NRXN3: variants seen among roughly 807,000 people sequenced by gnomAD.
NRXN3 encodes the protein neurexin 3.
NRXN3 carries 32 observed loss-of-function variants against 137.6 expected under a neutral mutation model. The ratio of observed to expected loss-of-function variants is 0.23; its 90% CI spans 0.18 to 0.31. NRXN3 has a LOEUF of 0.31. Ranked by LOEUF, NRXN3 falls within the 10% of genes least tolerant of loss-of-function variation. The pLI is 1.00. For synonymous variants in NRXN3, 798 were observed against 784.5 expected (o/e 1.02, Z -0.29); for missense variants, 1,574 against 2,062.5 (o/e 0.76, Z 4.59).
chr14:78,283,628 C>T (rs1415923528), intron 3 of NRXN3, among the ~76,000 whole-genome samples: 3 of 152,100 alleles, frequency 2.0e-5, no homozygotes, highest in Admixed American at 2.0e-4. Flanking sequence ...TCTGCCTCAG[C>T]CTCTCGAGTA....
At chr14:79,835,160 C>T (rs911720910) in intron 20 of NRXN3, among the ~76,000 whole-genome samples, 1 of 152,076 alleles carries the variant, frequency 6.6e-6, no homozygotes, top group African/African-American at 2.4e-5. Flanking sequence ...TTGAAAATCA[C>T]TAAGGGAGTA....
rs1882822 is a variant in NRXN3, at chr14:78,243,847, G to C, written c.709+45G>C. 1 of 1,441,572 alleles carries C rather than the reference G, an allele frequency of 6.9e-7. No individual in the cohort carries two copies. The highest frequency in any genetic ancestry group is 9.3e-7 in the Non-Finnish European group (1 of 1,071,556). The allele number at this position is 1,441,572 out of a possible 1,614,324, so 89.3% of individuals were successfully genotyped here. A position where few individuals can be genotyped will look rare whatever the true frequency, so the allele number is the denominator to read the frequency against. On this transcript the variant is annotated intron_variant, in intron 2 of 20. Coordinates refer to ENST00000335750, the MANE Select transcript of NRXN3 (RefSeq NM_001330195.2). The surrounding 1 kb of genome is among the most constrained non-coding windows in gnomAD (Gnocchi z 4.2). ...TTGCTAGAGACCCACCCACGGGATG[G>C]CTGAGGCTGGGGCTCCTGATACAAA...
At chr14:79,257,412 G>A (rs1597924475) in intron 15 of NRXN3, among the ~76,000 whole-genome samples, 4 of 50,800 alleles carry the variant, frequency 7.9e-5, no homozygotes, top group Non-Finnish European at 1.2e-4. Context: ...GGTGGTGGTG[G>A]TGATGGTGGT....
intron 16 of NRXN3, among the ~76,000 whole-genome samples, chr14:79,620,147 C>T (rs1041101982): frequency 1.3e-5 from 2 of 151,930 alleles, no homozygotes; most frequent in Middle Eastern, 3.4e-3. Flanking sequence ...ATATGGGGCA[C>T]GATTGAATAA....
intron 16 of NRXN3, among the ~76,000 whole-genome samples, chr14:79,536,988 C>T (rs2097217457): frequency 6.6e-6 from 1 of 152,040 alleles, no homozygotes; most frequent in Admixed American, 6.6e-5. Flanking sequence ...AATAGGATTG[C>T]TGGGTCTAAT....
rs778656428 is a variant in NRXN3 at position 78,803,742 on chromosome 14, G to A, written c.2167G>A (p.Val723Met). ...FMSQRAYGLL[V>M]ATTSRDSADT... Reference sequence around the variant, plus strand: ...GTCCCAGCGAGCTTATGGGCTGCTGGTGGCTACGACCTCCAGGGACTCTGC... The same window carrying A: ...GTCCCAGCGAGCTTATGGGCTGCTGATGGCTACGACCTCCAGGGACTCTGC... The change falls in exon 9 of 21, where the codon GTG becomes ATG. Residue 723 changes from valine (V) to methionine (M), a missense_variant. By Grantham distance (21) the Val-to-Met change is conservative. Coordinates refer to ENST00000335750, the MANE Select transcript of NRXN3 (RefSeq NM_001330195.2). 2.5e-6 allele frequency: 4 copies of A among 1,614,110 alleles called. No homozygotes were observed. The Admixed American group carries it at 5.0e-5, about 20-fold the overall frequency.
chr14:79,264,545 T>TGTGA (rs940184198), intron 15 of NRXN3, among the ~76,000 whole-genome samples: 2 of 151,936 alleles, frequency 1.3e-5, no homozygotes, highest in African/African-American at 4.8e-5. Context: ...TGTGTGTGTG[T>TGTGA]GTGTGTGTGT....
chr14:78,421,771 C>G (rs1221515307), intron 4 of NRXN3, among the ~76,000 whole-genome samples: 1 of 152,100 alleles, frequency 6.6e-6, no homozygotes, highest in African/African-American at 2.4e-5. Flanking sequence ...GCGATCTGCC[C>G]TCTCAGCCTA....
intron 15 of NRXN3, among the ~76,000 whole-genome samples, chr14:79,152,622 C>T (rs778066053): frequency 6.6e-6 from 1 of 151,888 alleles, no homozygotes; most frequent in Non-Finnish European, 1.5e-5. Flanking sequence ...TAGCAGCAGG[C>T]AAGAGAGCTT....
At position 78,645,365 on chromosome 14, in the gene NRXN3, G is replaced by A; in HGVS notation, c.1003G>A (p.Gly335Arg). Residue 335 changes from glycine (G) to arginine (R), a missense_variant, in exon 5 of 21, where the codon GGA becomes AGA. This residue lies in a region of NRXN3 where 400 missense variants were observed against 527.3 expected (regional missense o/e 0.76). Transcript: ENST00000335750. ...TGAGGCCATTGTGGAGCCAGTGAAT[G>A]GAAAATTCAACGACAACGCCTGGCA... ...AFEAIVEPVNGKFNDNAWHDV... is the reference protein window; with the variant it reads ...AFEAIVEPVNRKFNDNAWHDV... The A allele has an allele frequency of 6.3e-7, 1 of 1,597,900 alleles. No homozygotes were observed. The highest frequency in any genetic ancestry group is 8.5e-7 in the Non-Finnish European group (1 of 1,178,950).
At chr14:79,066,754 T>C (rs893832044) in intron 15 of NRXN3, among the ~76,000 whole-genome samples, 1 of 152,184 alleles carries the variant, frequency 6.6e-6, no homozygotes, top group African/African-American at 2.4e-5. Flanking sequence ...ATTCATGATT[T>C]GGCTCTCTGC....
At chr14:79,319,101 T>A (rs1196400869) in intron 15 of NRXN3, among the ~76,000 whole-genome samples, 1 of 152,234 alleles carries the variant, frequency 6.6e-6, no homozygotes, top group Non-Finnish European at 1.5e-5. Context: ...TTGTTTTCCA[T>A]CTATGTTACA....
chr14:79,437,931 A>C (rs987921182), intron 15 of NRXN3, among the ~76,000 whole-genome samples: 2 of 152,174 alleles, frequency 1.3e-5, no homozygotes, highest in Admixed American at 1.3e-4. Context: ...AAATTTATCC[A>C]TCTGTATCAG....
At chr14:79,323,787 G>A (rs1211389398) in intron 15 of NRXN3, among the ~76,000 whole-genome samples, 1 of 152,088 alleles carries the variant, frequency 6.6e-6, no homozygotes, top group Non-Finnish European at 1.5e-5. Flanking sequence ...TGAACCAGGA[G>A]GCAGAGGTTG....
intron 4 of NRXN3, among the ~76,000 whole-genome samples, chr14:78,516,624 T>C (rs150852397): frequency 1.4e-3 from 217 of 152,144 alleles, no homozygotes; most frequent in African/African-American, 4.8e-3. Flanking sequence ...TATAAAATTC[T>C]AGGTCTGTGT....
At chr14:79,789,707 C>T (rs2099139500) in intron 19 of NRXN3, among the ~76,000 whole-genome samples, 1 of 152,180 alleles carries the variant, frequency 6.6e-6, no homozygotes. Flanking sequence ...GACCAGAGGT[C>T]ACTCTCATCG....
At chr14:79,256,777 C>A (rs1288250800) in intron 15 of NRXN3, among the ~76,000 whole-genome samples, 2 of 152,172 alleles carry the variant, frequency 1.3e-5, no homozygotes, top group Admixed American at 1.3e-4. Flanking sequence ...CAACTTAATT[C>A]TCTTAACCTG....
At chr14:78,965,345 T>A (rs1347457556) in intron 11 of NRXN3, among the ~76,000 whole-genome samples, 1 of 152,182 alleles carries the variant, frequency 6.6e-6, no homozygotes, top group Non-Finnish European at 1.5e-5. Flanking sequence ...CAGGTGATTC[T>A]GATACACCCT....
intron 20 of NRXN3, among the ~76,000 whole-genome samples, chr14:79,819,482 C>CTTTTTTTT (rs58492725): frequency 0.21 from 15,057 of 71,624 alleles, 3,266 homozygotes; most frequent in South Asian, 0.29. Flanking sequence ...ACATTAAAAG[C>CTTTTTTTT]TTTTTTTTTT....
Sources: allele counts gnomAD v4.1 joint callset (sites outside exome capture counted in the v4.1 genomes callset), GRCh38; gene constraint gnomAD v4.1.1; regional missense constraint gnomAD v4.1.1; non-coding constraint Gnocchi (gnomAD v3.1); transcripts MANE v1.5; gene names NCBI Gene and HGNC (gene_info 2026-07-23, HGNC 2026-07-21).